AGBL1: variants seen among roughly 807,000 people sequenced by gnomAD.
AGBL1 encodes AGBL carboxypeptidase 1, also known as cytosolic carboxypeptidase 4.
AGBL1 carries 130 observed loss-of-function variants against 118.9 expected under a neutral mutation model. The ratio of observed to expected loss-of-function variants is 1.09; its 90% confidence interval spans 0.95 to 1.26. The LOEUF (loss-of-function observed/expected upper bound fraction) is 1.26, where lower values mean the gene tolerates loss of function less well. Among genes scored for constraint, AGBL1 ranks in the 50% most tolerant of loss-of-function variants. The pLI is 0.00. For synonymous variants in AGBL1, 555 were observed against 478.9 expected (o/e 1.16, Z -2.08); for missense variants, 1,584 against 1,298.1 (o/e 1.22, Z -3.38).
intron 22 of AGBL1, among the ~76,000 whole-genome samples, chr15:86,708,823 G>C (rs1352774999): frequency 6.6e-6 from 1 of 152,072 alleles, no homozygotes; most frequent in South Asian, 2.1e-4. Flanking sequence ...TGACTTACTT[G>C]GTTCACAGCA....
intron 21 of AGBL1, among the ~76,000 whole-genome samples, chr15:86,642,280 T>A (rs954001138): frequency 6.6e-6 from 1 of 152,192 alleles, no homozygotes; most frequent in African/African-American, 2.4e-5. Flanking sequence ...CTTCCTAAAG[T>A]GAAATATATC....
chr15:86,245,947 A>G (rs1567152031), intron 6 of AGBL1, among the ~76,000 whole-genome samples: 1 of 151,912 alleles, frequency 6.6e-6, no homozygotes, highest in Non-Finnish European at 1.5e-5. Context: ...TCTGTTGCTC[A>G]GGACTATAGC....
chr15:86,381,666 A>G (rs934881774), intron 17 of AGBL1, among the ~76,000 whole-genome samples: 1 of 152,220 alleles, frequency 6.6e-6, no homozygotes, highest in Non-Finnish European at 1.5e-5. Flanking sequence ...AGGAGGAAAG[A>G]AGGAAATCCC....
chr15:86,922,839 G>A (rs2141621909), intron 23 of AGBL1, among the ~76,000 whole-genome samples: 1 of 152,312 alleles, frequency 6.6e-6, no homozygotes, highest in East Asian at 1.9e-4. Flanking sequence ...AGAATTACAA[G>A]TGCAAGCTCA....
At chr15:86,656,796 C>T (rs947931845) in intron 21 of AGBL1, among the ~76,000 whole-genome samples, 9 of 152,106 alleles carry the variant, frequency 5.9e-5, no homozygotes, top group African/African-American at 2.2e-4. Context: ...TACTCAGTGG[C>T]TCTTTTGCCT....
chr15:86,700,918 A>ATT (rs1567129371), intron 22 of AGBL1, among the ~76,000 whole-genome samples: 1 of 152,110 alleles, frequency 6.6e-6, no homozygotes, highest in Non-Finnish European at 1.5e-5. Flanking sequence ...CCCAAGAGAC[A>ATT]GTCAGAGTCA....
chr15:86,526,232 C>A (rs1435646270), intron 19 of AGBL1, among the ~76,000 whole-genome samples: 1 of 151,900 alleles, frequency 6.6e-6, no homozygotes, highest in African/African-American at 2.4e-5. Context: ...GGCATGGATG[C>A]AGTCAAAAGG....
chr15:86,421,897 C>T (rs151203239), intron 18 of AGBL1, among the ~76,000 whole-genome samples: 2 of 152,136 alleles, frequency 1.3e-5, no homozygotes, highest in Non-Finnish European at 2.9e-5. Context: ...ACAAGAAGAG[C>T]TAACTGTCTT....
At chr15:86,894,092 G>A (rs1349376859) in intron 22 of AGBL1, among the ~76,000 whole-genome samples, 1 of 152,098 alleles carries the variant, frequency 6.6e-6, no homozygotes, top group African/African-American at 2.4e-5. Context: ...TTTTGAATGT[G>A]TGTTTACAGG....
At chr15:86,093,908 C>A (rs1263390093) in intron 1 of AGBL1, among the ~76,000 whole-genome samples, 2 of 152,250 alleles carry the variant, frequency 1.3e-5, no homozygotes, top group African/African-American at 4.8e-5. Flanking sequence ...ACAATAGCAA[C>A]AGCATCTTAC....
intron 17 of AGBL1, among the ~76,000 whole-genome samples, chr15:86,349,651 G>A (rs1052209831): frequency 6.6e-6 from 1 of 152,210 alleles, no homozygotes; most frequent in Non-Finnish European, 1.5e-5. Context: ...ACACAAGCCA[G>A]TTGCAATGAA....
chr15:86,925,143 A>AG (rs1194394687), intron 23 of AGBL1, among the ~76,000 whole-genome samples: 2,653 of 80,432 alleles, frequency 0.033, 82 homozygotes, highest in South Asian at 0.085. Context: ...AGGAAGAGGA[A>AG]GAGGAGGAGG....
chr15:86,540,091 A>G (rs1402099394), intron 19 of AGBL1, among the ~76,000 whole-genome samples: 1 of 152,230 alleles, frequency 6.6e-6, no homozygotes, highest in East Asian at 1.9e-4. Flanking sequence ...TCTCGGCCAC[A>G]AAATGAGCAT....
intron 17 of AGBL1, among the ~76,000 whole-genome samples, chr15:86,395,802 T>C (rs2081352295): frequency 6.6e-6 from 1 of 152,146 alleles, no homozygotes; most frequent in Non-Finnish European, 1.5e-5. Context: ...TTTTTGGTCT[T>C]AGTGATGATA....
intron 23 of AGBL1, among the ~76,000 whole-genome samples, chr15:86,974,425 ATATAT>A (rs2081147986): frequency 8.3e-6 from 1 of 120,858 alleles, no homozygotes; most frequent in African/African-American, 3.3e-5. Context: ...AACATATTTT[ATATAT>A]TAAATATAAA....
At position 86,451,579 on chromosome 15, in the gene AGBL1, T is replaced by G. The variant is rs116709014; in HGVS notation, c.2555+54033T>G. Reference sequence around the variant, plus strand: ...GATTAAAAGCTGTATTAATTTGGGATACCATGGGATAGAGGTAATTCCTCC... The same window carrying G: ...GATTAAAAGCTGTATTAATTTGGGAGACCATGGGATAGAGGTAATTCCTCC... On this transcript the variant is annotated intron_variant, in intron 18 of 22. Coordinates refer to ENST00000614907, the MANE Select transcript of AGBL1 (RefSeq NM_001386094.1). 9.2e-3 allele frequency among the ~76,000 whole-genome samples: 1,399 copies of G among 152,328 alleles called. 29 individuals carry two copies. Among genetic ancestry groups the G allele is most frequent in the African/African-American group, 0.032 (1,325 of 41,574 alleles).
Position 87,028,761 on chromosome 15 carries a change from G to A in AGBL1, c.3324-64G>A, listed in dbSNP as rs1596758422. ...TAAAAGGTCAATTTGCCAAACTTGT[G>A]GCACAAACCAGAAGTTACACGGCTT... On this transcript the variant is annotated intron_variant, in intron 24 of 24. Transcript: ENST00000441037. 30 of 1,516,136 alleles carry A rather than the reference G, an allele frequency of 2.0e-5. No homozygotes were observed. The East Asian group carries it at 6.8e-4, about 35-fold the overall frequency. 93.9% of individuals were successfully genotyped at this position (1,516,136 alleles called of 1,614,324 possible).
At chr15:86,948,029 A>G (rs1234389531) in intron 23 of AGBL1, among the ~76,000 whole-genome samples, 2 of 152,208 alleles carry the variant, frequency 1.3e-5, no homozygotes, top group Admixed American at 6.5e-5. Context: ...TCAAAAGATG[A>G]AAGAGAGCCT....
chr15:86,144,075 G>A (rs2077000739), intron 3 of AGBL1, among the ~76,000 whole-genome samples: 1 of 152,138 alleles, frequency 6.6e-6, no homozygotes, highest in Admixed American at 6.5e-5. Flanking sequence ...AACAAACATG[G>A]GCTACATGGG....
Sources: allele counts gnomAD v4.1 joint callset (sites outside exome capture counted in the v4.1 genomes callset), GRCh38; gene constraint gnomAD v4.1.1; transcripts MANE v1.5; gene names NCBI Gene and HGNC (gene_info 2026-07-23, HGNC 2026-07-21).